Variants in PRKCH observed in about 807,000 individuals in gnomAD.
PRKCH encodes the protein protein kinase C eta type.
Under a neutral mutation model 82.5 loss-of-function variants are expected in PRKCH, and 28 were observed. That is an observed-to-expected ratio of 0.34 (90% confidence interval 0.25 to 0.47). The LOEUF is 0.47. PRKCH is among the 20% of genes least tolerant of loss of function. The pLI is 1.00. For missense variants in PRKCH, 705 were observed against 881.8 expected (o/e 0.80, Z 2.54); for synonymous variants, 322 against 327.4 (o/e 0.98, Z 0.18).
intron 1 of PRKCH, among the ~76,000 whole-genome samples, chr14:61,198,114 T>C (rs2044453514): frequency 6.6e-6 from 1 of 152,184 alleles, no homozygotes; most frequent in African/African-American, 2.4e-5. Flanking sequence ...GCATCTATTG[T>C]CCATTTTAAG....
At chr14:61,202,142 C>A (rs2044486463) in intron 1 of PRKCH, among the ~76,000 whole-genome samples, 1 of 152,178 alleles carries the variant, frequency 6.6e-6, no homozygotes. Context: ...ACCACAGCCC[C>A]CCAGGGGGCT....
At chr14:61,473,334 C>G (rs1344787477) in intron 9 of PRKCH, among the ~76,000 whole-genome samples, 1 of 152,178 alleles carries the variant, frequency 6.6e-6, no homozygotes, top group African/African-American at 2.4e-5. Context: ...CCAGCAAAAT[C>G]TTTAAGTGAG....
At chr14:61,436,390 AG>A (rs139740025) in intron 2 of PRKCH, among the ~76,000 whole-genome samples, 4,352 of 152,282 alleles carry the variant, frequency 0.029, 235 homozygotes, top group African/African-American at 0.1. Flanking sequence ...GGGTCTCCAC[AG>A]TGAGATCCGG....
chr14:61,474,331 G>T (rs1226868164), intron 9 of PRKCH, among the ~76,000 whole-genome samples: 2 of 152,198 alleles, frequency 1.3e-5, no homozygotes, highest in Non-Finnish European at 2.9e-5. Context: ...AACCTTTTAA[G>T]CTGTTTCTGA....
At chr14:61,286,422 C>G (rs576017587) in intron 1 of PRKCH, among the ~76,000 whole-genome samples, 5 of 152,322 alleles carry the variant, frequency 3.3e-5, no homozygotes, top group South Asian at 2.1e-4. Context: ...GCACAAAAGA[C>G]AGAAGCGAAT....
At chr14:61,352,797 G>A (rs2046100450) in intron 1 of PRKCH, among the ~76,000 whole-genome samples, 1 of 152,146 alleles carries the variant, frequency 6.6e-6, no homozygotes, top group Admixed American at 6.6e-5. Flanking sequence ...GGCATGCCTG[G>A]TATGACCTAT....
chr14:61,404,091 C>G (rs1035738778), intron 2 of PRKCH, among the ~76,000 whole-genome samples: 3 of 152,140 alleles, frequency 2.0e-5, no homozygotes, highest in African/African-American at 7.2e-5. Context: ...TAATAACACC[C>G]TGTGTCAGTG....
chr14:61,216,245 C>T (rs1245644667), intron 1 of PRKCH, among the ~76,000 whole-genome samples: 5 of 152,060 alleles, frequency 3.3e-5, no homozygotes, highest in Non-Finnish European at 5.9e-5. Flanking sequence ...GAGGGCGGAT[C>T]ACCTAAGGTC....
intron 9 of PRKCH, among the ~76,000 whole-genome samples, chr14:61,462,594 AAACT>A (rs1885074992): frequency 6.6e-6 from 1 of 152,332 alleles, no homozygotes; most frequent in South Asian, 2.1e-4. Flanking sequence ...TACTGTTGGA[AAACT>A]AACTATAAAG....
chr14:61,389,521 A>G, intron 1 of PRKCH, among the ~76,000 whole-genome samples: 1 of 151,822 alleles, frequency 6.6e-6, no homozygotes, highest in East Asian at 1.9e-4. Flanking sequence ...CCTTGTCTCT[A>G]CATACATACA....
At chr14:61,430,426 A>G (rs950336186) in intron 2 of PRKCH, among the ~76,000 whole-genome samples, 10 of 152,222 alleles carry the variant, frequency 6.6e-5, no homozygotes, top group Admixed American at 2.0e-4. Flanking sequence ...ACAGACCACT[A>G]CCTTGTTACC....
At chr14:61,331,323 A>T (rs1298156451) in intron 1 of PRKCH, among the ~76,000 whole-genome samples, 1 of 152,162 alleles carries the variant, frequency 6.6e-6, no homozygotes, top group East Asian at 1.9e-4. Flanking sequence ...TTTTACTGCA[A>T]ATTAGTATTA....
At chr14:61,449,411 T>C (rs1054763821) in intron 5 of PRKCH, among the ~76,000 whole-genome samples, 159 bp downstream of exon 5, 5 of 151,564 alleles carry the variant, frequency 3.3e-5, no homozygotes, top group African/African-American at 1.2e-4. Context: ...TTCCACATTC[T>C]TTGAAGCCAA....
chr14:61,411,854 C>G (rs761285063), intron 2 of PRKCH, among the ~76,000 whole-genome samples: 5 of 152,174 alleles, frequency 3.3e-5, no homozygotes, highest in African/African-American at 9.7e-5. Flanking sequence ...TCAAAAGGAG[C>G]AAAGATAACT....
chr14:61,192,145 T>C (rs2044410805), intron 1 of PRKCH, among the ~76,000 whole-genome samples: 1 of 152,154 alleles, frequency 6.6e-6, no homozygotes, highest in Admixed American at 6.5e-5. Flanking sequence ...AAGCAGTAGA[T>C]GATACAGGTA....
chr14:61,476,891 C>A (rs1211306506), intron 9 of PRKCH, among the ~76,000 whole-genome samples: 2 of 152,248 alleles, frequency 1.3e-5, no homozygotes, highest in East Asian at 3.9e-4. Context: ...CATTAGACTC[C>A]TTCTCATTGT....
intron 1 of PRKCH, among the ~76,000 whole-genome samples, chr14:61,386,028 G>T (rs912709049): frequency 6.6e-6 from 1 of 152,178 alleles, no homozygotes; most frequent in Admixed American, 6.5e-5. Flanking sequence ...CAAATCACTA[G>T]GCAATAAGCT....
intron 1 of PRKCH, among the ~76,000 whole-genome samples, chr14:61,243,667 A>G (rs754164817): frequency 2.6e-5 from 4 of 152,286 alleles, no homozygotes; most frequent in East Asian, 1.9e-4. Context: ...ATAGTAACAG[A>G]GAGCTATGTC....
At chr14:61,405,077 G>A (rs1881865981) in intron 2 of PRKCH, among the ~76,000 whole-genome samples, 1 of 152,182 alleles carries the variant, frequency 6.6e-6, no homozygotes, top group South Asian at 2.1e-4. Flanking sequence ...ATCTATTTAT[G>A]ACTTGATGTA....
Sources: allele counts gnomAD v4.1 joint callset (sites outside exome capture counted in the v4.1 genomes callset), GRCh38; gene constraint gnomAD v4.1.1; transcripts MANE v1.5; gene names NCBI Gene and HGNC (gene_info 2026-07-23, HGNC 2026-07-21).